Variants in DTD1 observed in about 807,000 individuals in gnomAD.
DTD1 encodes the protein D-aminoacyl-tRNA deacylase 1.
In DTD1, 13 loss-of-function variants were observed where a neutral mutation model predicts 25.6. The observed-to-expected ratio is 0.51, with a 90% CI of 0.33 to 0.81. The LOEUF is 0.81. Ranked by LOEUF, DTD1 falls within the 30% of genes least tolerant of loss-of-function variation. DTD1 has a pLI of 0.02. For synonymous variants in DTD1, 110 were observed against 103.6 expected (o/e 1.06, Z -0.37); for missense variants, 193 against 266.4 (o/e 0.72, Z 1.92).
At chr20:18,691,646 ACTAC>A (rs1017929795) in intron 4 of DTD1, among the ~76,000 whole-genome samples, 1 of 152,166 alleles carries the variant, frequency 6.6e-6, no homozygotes, top group Non-Finnish European at 1.5e-5. Context: ...GGGCTGAAAA[ACTAC>A]CTATTGGGTA....
intron 4 of DTD1, among the ~76,000 whole-genome samples, chr20:18,706,818 T>G (rs533326798): frequency 7.2e-5 from 11 of 152,230 alleles, no homozygotes; most frequent in Non-Finnish European, 1.6e-4. Flanking sequence ...TGTCCTGGTA[T>G]TTAAGACTCT....
chr20:18,648,913 G>T (rs1204836611), intron 4 of DTD1, among the ~76,000 whole-genome samples: 1 of 139,630 alleles, frequency 7.2e-6, no homozygotes, highest in Non-Finnish European at 1.5e-5. Flanking sequence ...GGAGAATGAC[G>T]TGAACCCGGG....
At chr20:18,628,021 T>G in intron 3 of DTD1, 106 bp from the exon 4 acceptor site, 21 of 908,738 alleles carry the variant, frequency 2.3e-5, no homozygotes, top group Non-Finnish European at 3.4e-5. Context: ...TTCCCAGTAT[T>G]GAGTATGTCT....
chr20:18,615,440 C>G (rs1239300691), intron 3 of DTD1, among the ~76,000 whole-genome samples: 1 of 152,188 alleles, frequency 6.6e-6, no homozygotes, highest in African/African-American at 2.4e-5. Flanking sequence ...AACTGGGTCA[C>G]TTGTATCCTC....
intron 2 of DTD1, among the ~76,000 whole-genome samples, chr20:18,595,490 G>C (rs1357492292): frequency 6.6e-6 from 1 of 152,128 alleles, no homozygotes; most frequent in Non-Finnish European, 1.5e-5. Context: ...GGCTGGTCTT[G>C]AACTCCTGAA....
intron 4 of DTD1, among the ~76,000 whole-genome samples, chr20:18,724,355 A>G (rs1459955955): frequency 6.6e-6 from 1 of 152,160 alleles, no homozygotes; most frequent in Non-Finnish European, 1.5e-5. Flanking sequence ...TTGTATTCAT[A>G]AAATTTTTGT....
chr20:18,636,890 A>G (rs1378006362), intron 4 of DTD1, among the ~76,000 whole-genome samples: 1 of 152,218 alleles, frequency 6.6e-6, no homozygotes, highest in South Asian at 2.1e-4. Flanking sequence ...ACTGAGGACC[A>G]CTGGCATCAA....
chr20:18,752,606 A>G (rs969638982), intron 5 of DTD1, among the ~76,000 whole-genome samples: 5 of 152,094 alleles, frequency 3.3e-5, no homozygotes, highest in Non-Finnish European at 7.4e-5. Context: ...CTTTTTCATT[A>G]GAGCCCTTAA....
intron 5 of DTD1, among the ~76,000 whole-genome samples, chr20:18,755,880 C>T (rs1351332624): frequency 1.3e-5 from 2 of 152,222 alleles, no homozygotes; most frequent in Admixed American, 1.3e-4. Flanking sequence ...AGTTTACAGT[C>T]CCACCAACAG....
chr20:18,651,147 T>TGTTTGTTTG (rs1279721656), intron 4 of DTD1, among the ~76,000 whole-genome samples: 15 of 152,176 alleles, frequency 9.9e-5, no homozygotes, highest in African/African-American at 3.6e-4. Flanking sequence ...AGTTTTTGTT[T>TGTTTGTTTG]GTTTGTTTGG....
chr20:18,760,821 C>T (rs1374684896), intron 5 of DTD1, among the ~76,000 whole-genome samples: 1 of 152,206 alleles, frequency 6.6e-6, no homozygotes, highest in African/African-American at 2.4e-5. Context: ...TGTCTGTGCC[C>T]TGTCCCCAGA....
intron 4 of DTD1, among the ~76,000 whole-genome samples, chr20:18,708,011 G>A (rs1167969556): frequency 6.6e-6 from 1 of 150,476 alleles, no homozygotes; most frequent in African/African-American, 2.5e-5. Context: ...CCATGCATTA[G>A]GGGATGGTTA....
chr20:18,588,501 T>G (rs1339175661), intron 1 of DTD1, among the ~76,000 whole-genome samples: 1 of 152,216 alleles, frequency 6.6e-6, no homozygotes, highest in Non-Finnish European at 1.5e-5. Context: ...GAGCAGGCAC[T>G]CCTCCCTTTT....
chr20:18,733,533 C>T (rs944432502), intron 4 of DTD1, among the ~76,000 whole-genome samples: 32 of 152,230 alleles, frequency 2.1e-4, no homozygotes, highest in African/African-American at 5.8e-4. Flanking sequence ...CCACTATGGT[C>T]TGAAACAAGC....
intron 5 of DTD1, among the ~76,000 whole-genome samples, chr20:18,751,921 A>G (rs957688007): frequency 1.3e-5 from 2 of 151,844 alleles, no homozygotes; most frequent in Non-Finnish European, 1.5e-5. Context: ...GGAGCCTCAC[A>G]GCCCTAGAGG....
Position 18,600,307 on chromosome 20 carries a change from C to T in DTD1, c.370+4066C>T, listed in dbSNP as rs111659232. ...AGGGTCTGTGGTCTTTGTCTAGAGG[C>T]GCTTTTTTGTATGTGGATATCCAGT... On this transcript the variant is annotated intron_variant, in intron 3 of 5. Transcript: ENST00000377452. 6.5e-3 allele frequency among the ~76,000 whole-genome samples: 987 copies of T among 152,216 alleles called. 11 individuals carry two copies. The highest frequency in any genetic ancestry group is 0.023 in the African/African-American group (945 of 41,522).
intron 4 of DTD1, among the ~76,000 whole-genome samples, chr20:18,687,566 C>CT (rs2061021983): frequency 2.0e-5 from 3 of 150,884 alleles, no homozygotes; most frequent in Admixed American, 6.6e-5. Flanking sequence ...TTCTTTTTCT[C>CT]TTTTTTTATT....
At chr20:18,755,500 A>G (rs2061335598) in intron 5 of DTD1, among the ~76,000 whole-genome samples, 1 of 152,022 alleles carries the variant, frequency 6.6e-6, no homozygotes, top group Non-Finnish European at 1.5e-5. Context: ...GTTCCCACCT[A>G]TGAGTGAGAA....
chr20:18,644,993 A>T (rs2060845142), intron 4 of DTD1, among the ~76,000 whole-genome samples: 1 of 151,888 alleles, frequency 6.6e-6, no homozygotes, highest in African/African-American at 2.4e-5. Flanking sequence ...AAATAATAAT[A>T]AAAAAAAATT....
Sources: gnomAD v4.1 joint callset for allele counts (sites outside exome capture counted in the v4.1 genomes callset) on GRCh38, gnomAD v4.1.1 for gene constraint, MANE v1.5 for transcripts, NCBI Gene and HGNC (gene_info 2026-07-23, HGNC 2026-07-21) for gene names.